Variants in PRRG1 observed in about 807,000 individuals in gnomAD.
The protein encoded by PRRG1 is transmembrane gamma-carboxyglutamic acid protein 1.
PRRG1 carries 5 observed loss-of-function variants against 11.8 expected under a neutral mutation model. The observed-to-expected ratio is 0.42, with a 90% CI of 0.22 to 0.89. The LOEUF (loss-of-function observed/expected upper bound fraction) is 0.89. Among genes scored for constraint, PRRG1 ranks in the 40% least tolerant of loss-of-function variants. The pLI is 0.28. For synonymous variants in PRRG1, 66 were observed against 60.4 expected (o/e 1.09, Z -0.43); for missense variants, 155 against 166.1 (o/e 0.93, Z 0.37).
At chrX:37,437,569 G>A (rs1220683359) in intron 3 of PRRG1, among the ~76,000 whole-genome samples, 1 of 112,312 alleles carries the variant, frequency 8.9e-6, no homozygotes, top group Admixed American at 9.4e-5. Flanking sequence ...TACTGTCATG[G>A]TTAGGAAATG....
At chrX:37,358,785 T>C (rs1052907267) in intron 1 of PRRG1, among the ~76,000 whole-genome samples, 1 of 111,704 alleles carries the variant, frequency 9.0e-6, no homozygotes, top group African/African-American at 3.2e-5. Flanking sequence ...GGGGTTGCAC[T>C]GAATTCGTAG....
intron 1 of PRRG1, among the ~76,000 whole-genome samples, chrX:37,393,005 G>A (rs1321017146): frequency 1.8e-5 from 2 of 111,374 alleles, no homozygotes; most frequent in African/African-American, 3.3e-5. Context: ...CATATCTGTT[G>A]AATTGAGAAA....
At chrX:37,351,446 G>A (rs188549904) in intron 1 of PRRG1, among the ~76,000 whole-genome samples, 3,932 of 106,874 alleles carry the variant, frequency 0.037, 197 homozygotes, top group African/African-American at 0.13. Context: ...CTTGAGCTGA[G>A]ATCGCGCCAC....
intron 2 of PRRG1, among the ~76,000 whole-genome samples, chrX:37,420,839 G>A (rs1448266748): frequency 1.8e-5 from 2 of 110,363 alleles, no homozygotes; most frequent in African/African-American, 6.6e-5. Context: ...TCTAGCCTGG[G>A]CTACAGAGCG....
chrX:37,409,244 TAGTAAGTGGA>T (rs1449009703), intron 2 of PRRG1, among the ~76,000 whole-genome samples: 1 of 112,206 alleles, frequency 8.9e-6, no homozygotes, highest in Non-Finnish European at 1.9e-5. Context: ...ATGTATTTAC[TAGTAAGTGGA>T]AGTAGATCAT....
chrX:37,453,249 C>G lies in PRRG1; in HGVS notation c.285C>G (p.Leu95=). 1.7e-6 allele frequency: 2 copies of G among 1,211,073 alleles called. No individual in the cohort carries two copies. The highest frequency in any genetic ancestry group is 2.3e-4 in the Middle Eastern group (1 of 4,356). ...FPLIFGLFII[L]LVIFLIWRCF... ...TAATCTTTGGCCTCTTCATTATCCTCCTTGTCATTTTCCTAATCTGGAGAT... is the reference window on the plus strand; with the variant it reads ...TAATCTTTGGCCTCTTCATTATCCTGCTTGTCATTTTCCTAATCTGGAGAT... The change falls in exon 4 of 4, where the codon CTC becomes CTG. Residue 95 remains leucine (L), a synonymous_variant. Coordinates refer to ENST00000378628, the MANE Select transcript of PRRG1 (RefSeq NM_001142395.2).
At chrX:37,368,267 A>G (rs1234070444) in intron 1 of PRRG1, among the ~76,000 whole-genome samples, 1 of 112,375 alleles carries the variant, frequency 8.9e-6, no homozygotes, top group African/African-American at 3.2e-5. Context: ...TTGCTGAAAC[A>G]AGATTGTTAA....
At chrX:37,369,236 A>G (rs1359915586) in intron 1 of PRRG1, among the ~76,000 whole-genome samples, 1 of 112,011 alleles carries the variant, frequency 8.9e-6, no homozygotes, top group African/African-American at 3.2e-5. Context: ...AAATGCTTTT[A>G]GTTTTATGTG....
chrX:37,369,371 T>A (rs1305339510), intron 1 of PRRG1, among the ~76,000 whole-genome samples: 2 of 112,396 alleles, frequency 1.8e-5, no homozygotes, highest in Admixed American at 9.4e-5. Flanking sequence ...CCATTTTTTT[T>A]AATTTAAAAA....
At chrX:37,430,137 C>A (rs1932812146) in intron 3 of PRRG1, among the ~76,000 whole-genome samples, 1 of 111,656 alleles carries the variant, frequency 9.0e-6, no homozygotes, top group African/African-American at 3.3e-5. Context: ...AGTGATCTGT[C>A]AGTGGACATT....
At chrX:37,398,230 C>A (rs1476139528) in intron 1 of PRRG1, among the ~76,000 whole-genome samples, 1 of 111,374 alleles carries the variant, frequency 9.0e-6, no homozygotes, top group East Asian at 2.8e-4. Context: ...AGGCACCCCC[C>A]CAGTAGGGGC....
At chrX:37,402,984 G>A (rs1465695669) in intron 1 of PRRG1, among the ~76,000 whole-genome samples, 4 of 110,961 alleles carry the variant, frequency 3.6e-5, no homozygotes, top group African/African-American at 9.9e-5. Flanking sequence ...GAAACAACGG[G>A]TGCTGGAGAG....
At chrX:37,438,435 T>C (rs936629887) in intron 3 of PRRG1, among the ~76,000 whole-genome samples, 2 of 101,054 alleles carry the variant, frequency 2.0e-5, no homozygotes, top group African/African-American at 7.3e-5. Context: ...TTTTCCTTTT[T>C]TTTTTTTTTT....
intron 1 of PRRG1, among the ~76,000 whole-genome samples, chrX:37,385,082 A>C (rs2146546590): frequency 8.9e-6 from 1 of 112,315 alleles, no homozygotes; most frequent in South Asian, 3.7e-4. Context: ...TAAACTTGAA[A>C]TAACTTAAAT....
At chrX:37,438,624 A>G (rs782047623) in intron 3 of PRRG1, among the ~76,000 whole-genome samples, 18 of 109,702 alleles carry the variant, frequency 1.6e-4, no homozygotes, top group Non-Finnish European at 2.7e-4. Context: ...TTTAGTAGAG[A>G]CGAGGTTTCA....
At chrX:37,397,346 A>G (rs1290106408) in intron 1 of PRRG1, among the ~76,000 whole-genome samples, 1 of 112,320 alleles carries the variant, frequency 8.9e-6, no homozygotes, top group Non-Finnish European at 1.9e-5. Flanking sequence ...TGGTATGTGA[A>G]TTACTGGAGT....
intron 1 of PRRG1, among the ~76,000 whole-genome samples, chrX:37,370,695 C>T (rs1406812451): frequency 2.7e-5 from 3 of 111,416 alleles, no homozygotes; most frequent in Non-Finnish European, 3.8e-5. Flanking sequence ...TGTAGCTGCC[C>T]AGCCATGGCT....
At chrX:37,444,013 G>A (rs1556394543) in intron 3 of PRRG1, among the ~76,000 whole-genome samples, 1 of 112,373 alleles carries the variant, frequency 8.9e-6, no homozygotes, top group African/African-American at 3.2e-5. Context: ...TGTAGCTCGA[G>A]TCTTTTTAAA....
chrX:37,365,527 G>A (rs1293892517), intron 1 of PRRG1, among the ~76,000 whole-genome samples: 3 of 111,880 alleles, frequency 2.7e-5, no homozygotes, highest in Non-Finnish European at 5.6e-5. Context: ...TTTGGTATAG[G>A]TAAATCTTAG....
Sources: allele counts gnomAD v4.1 joint callset (sites outside exome capture counted in the v4.1 genomes callset), GRCh38; gene constraint gnomAD v4.1.1; transcripts MANE v1.5; gene names NCBI Gene and HGNC (gene_info 2026-07-23, HGNC 2026-07-21).